The following RPSA2 variants were observed in gnomAD, a reference collection of about 807,000 sequenced individuals.
The protein encoded by RPSA2 is ribosomal protein SA 2.
At chr19:23,866,709 G>C in the RPSA2 span, among the ~76,000 whole-genome samples, 2 of 152,044 alleles carry the variant, frequency 1.3e-5, no homozygotes, top group African/African-American at 2.4e-5. Context: ...TTCAGGGGTG[G>C]GTCCCAGGAG....
chr19:23,871,009 A>G, the RPSA2 span, among the ~76,000 whole-genome samples: 1 of 152,142 alleles, frequency 6.6e-6, no homozygotes, highest in Admixed American at 6.5e-5. Context: ...TGTTTAAAGA[A>G]TGCTGTCATG....
At chr19:23,859,618 G>A in the RPSA2 span, among the ~76,000 whole-genome samples, 3 of 66,850 alleles carry the variant, frequency 4.5e-5, no homozygotes, top group South Asian at 1.7e-3. Flanking sequence ...CAATAACAAA[G>A]TTCCGTCTCA....
the RPSA2 span, among the ~76,000 whole-genome samples, chr19:23,804,434 C>G: frequency 6.9e-6 from 1 of 144,754 alleles, no homozygotes; most frequent in Non-Finnish European, 1.5e-5. Context: ...GTAGCTGGGA[C>G]TACAGGCAAC....
chr19:23,776,206 A>G, the RPSA2 span, among the ~76,000 whole-genome samples: 1 of 152,328 alleles, frequency 6.6e-6, no homozygotes, highest in African/African-American at 2.4e-5. Flanking sequence ...ACTGTGACAG[A>G]TGCTTCTGTG....
the RPSA2 span, among the ~76,000 whole-genome samples, chr19:23,795,615 C>T: frequency 1.3e-5 from 2 of 151,852 alleles, no homozygotes; most frequent in South Asian, 4.2e-4. Flanking sequence ...ATGTTGTCTG[C>T]AAAAAGGGAT....
At chr19:23,828,915 A>G in the RPSA2 span, among the ~76,000 whole-genome samples, 5 of 149,422 alleles carry the variant, frequency 3.3e-5, no homozygotes, top group African/African-American at 1.2e-4. Flanking sequence ...TTTGCTTTAT[A>G]TACTTGGAAC....
chr19:23,853,349 C>T, the RPSA2 span, among the ~76,000 whole-genome samples: 2 of 139,096 alleles, frequency 1.4e-5, no homozygotes, highest in East Asian at 2.2e-4. Flanking sequence ...CCATCCGCCA[C>T]TTGCCTGATT....
the RPSA2 span, among the ~76,000 whole-genome samples, chr19:23,776,980 G>A: frequency 6.6e-6 from 1 of 152,162 alleles, no homozygotes; most frequent in Non-Finnish European, 1.5e-5. Flanking sequence ...CCTGGGACCT[G>A]CCATATGGGG....
the RPSA2 span, among the ~76,000 whole-genome samples, chr19:23,809,977 A>C: frequency 1.3e-4 from 2 of 15,136 alleles, no homozygotes; most frequent in Non-Finnish European, 3.7e-4. Flanking sequence ...GCAAAAATAA[A>C]TTTTTGTTTG....
the RPSA2 span, among the ~76,000 whole-genome samples, chr19:23,821,772 C>G: frequency 6.6e-6 from 1 of 152,148 alleles, no homozygotes; most frequent in East Asian, 1.9e-4. Flanking sequence ...TCTCTTGGCT[C>G]GCTGTTCAAC....
chr19:23,858,482 C>T, the RPSA2 span, among the ~76,000 whole-genome samples: 1 of 152,156 alleles, frequency 6.6e-6, no homozygotes, highest in African/African-American at 2.4e-5. Context: ...TTTCCCATGA[C>T]ATTAACTGTT....
chr19:23,830,565 T>C, the RPSA2 span, among the ~76,000 whole-genome samples: 73 of 81,662 alleles, frequency 8.9e-4, no homozygotes, highest in African/African-American at 3.4e-3. Context: ...TGTACTTCTT[T>C]ATTTTTACAT....
chr19:23,868,227 C>A, the RPSA2 span, among the ~76,000 whole-genome samples: 1 of 152,162 alleles, frequency 6.6e-6, no homozygotes, highest in African/African-American at 2.4e-5. Flanking sequence ...TTTACTATAC[C>A]ATTACATGAG....
the RPSA2 span, among the ~76,000 whole-genome samples, chr19:23,787,300 G>A: frequency 2.6e-5 from 4 of 152,040 alleles, no homozygotes; most frequent in Non-Finnish European, 5.9e-5. Context: ...GCCTATAGGC[G>A]GCATTTTGAA....
At chr19:23,856,687 G>T in the RPSA2 span, among the ~76,000 whole-genome samples, 1 of 152,104 alleles carries the variant, frequency 6.6e-6, no homozygotes, top group Admixed American at 6.5e-5. Context: ...TTGTCGGCCG[G>T]TCTGAGAAAT....
chr19:23,861,703 A>G, the RPSA2 span, among the ~76,000 whole-genome samples: 1 of 152,076 alleles, frequency 6.6e-6, no homozygotes, highest in Non-Finnish European at 1.5e-5. Context: ...CAAAACACCA[A>G]TCTCCATTCC....
chr19:23,838,803 T>G, the RPSA2 span, among the ~76,000 whole-genome samples: 1 of 152,150 alleles, frequency 6.6e-6, no homozygotes, highest in Non-Finnish European at 1.5e-5. Flanking sequence ...ATTCTTTAGT[T>G]TCATTTCTCA....
the RPSA2 span, among the ~76,000 whole-genome samples, chr19:23,853,803 G>T: frequency 6.6e-6 from 1 of 152,122 alleles, no homozygotes; most frequent in Admixed American, 6.5e-5. Context: ...TGACCATCAG[G>T]GCCAGTGCAA....
chr19:23,778,995 C>CTTT, the RPSA2 span, among the ~76,000 whole-genome samples: 44,838 of 80,654 alleles, frequency 0.56, 14,517 homozygotes, highest in Middle Eastern at 0.68. Flanking sequence ...TTTTGTGACA[C>CTTT]TTTTTTTTTT....
Sources: allele counts gnomAD v4.1 joint callset (sites outside exome capture counted in the v4.1 genomes callset), GRCh38; gene constraint gnomAD v4.1.1; transcripts MANE v1.5; gene names NCBI Gene and HGNC (gene_info 2026-07-23, HGNC 2026-07-21).